IL1RAPL1: variants seen among roughly 807,000 people sequenced by gnomAD.
The protein encoded by IL1RAPL1 is interleukin-1 receptor accessory protein-like 1.
In IL1RAPL1, 3 loss-of-function variants were observed where a neutral mutation model predicts 48.4. The ratio of observed to expected loss-of-function variants is 0.06; its 90% confidence interval spans 0.03 to 0.16. The LOEUF is 0.16. Ranked by LOEUF, IL1RAPL1 falls within the 10% of genes least tolerant of loss-of-function variation. The pLI, the probability that IL1RAPL1 is intolerant of heterozygous loss-of-function variation, is 1.00. For missense variants in IL1RAPL1, 349 were observed against 530.6 expected (o/e 0.66, Z 3.36); for synonymous variants, 185 against 187.7 (o/e 0.99, Z 0.12).
chrX:29,073,998 A>G (rs1357956639), intron 2 of IL1RAPL1, among the ~76,000 whole-genome samples: 8 of 111,546 alleles, frequency 7.2e-5, no homozygotes, highest in African/African-American at 2.6e-4. Context: ...GGGGTTTTAC[A>G]GTATATTTTG....
intron 1 of IL1RAPL1, among the ~76,000 whole-genome samples, chrX:28,662,059 C>T (rs1275999404): frequency 9.0e-6 from 1 of 111,246 alleles, no homozygotes; most frequent in Non-Finnish European, 1.9e-5. Context: ...CTCTTCTTTG[C>T]TCCTTCAGGT....
intron 1 of IL1RAPL1, among the ~76,000 whole-genome samples, chrX:28,764,153 G>A (rs980403646): frequency 2.7e-5 from 3 of 111,098 alleles, no homozygotes; most frequent in Non-Finnish European, 5.7e-5. Flanking sequence ...AGAGTTAATG[G>A]GAAGAAAGAA....
chrX:29,538,424 G>A (rs752528218), intron 5 of IL1RAPL1, among the ~76,000 whole-genome samples: 1 of 87,410 alleles, frequency 1.1e-5, no homozygotes, highest in Non-Finnish European at 2.2e-5. Context: ...TGCAACCTCC[G>A]CCTCCTGGGT....
chrX:29,316,030 C>A (rs1205192398), intron 3 of IL1RAPL1, among the ~76,000 whole-genome samples: 3 of 112,133 alleles, frequency 2.7e-5, no homozygotes, highest in Non-Finnish European at 3.8e-5. Flanking sequence ...CTATAGGCAG[C>A]TTCCCAATAA....
intron 2 of IL1RAPL1, among the ~76,000 whole-genome samples, chrX:29,016,624 G>A (rs1487594859): frequency 2.7e-5 from 3 of 110,719 alleles, no homozygotes; most frequent in Non-Finnish European, 5.7e-5. Context: ...TGGTTCTTTC[G>A]GCATACCAAT....
intron 6 of IL1RAPL1, among the ~76,000 whole-genome samples, chrX:29,810,332 G>A (rs1478659153): frequency 9.1e-6 from 1 of 110,240 alleles, no homozygotes; most frequent in African/African-American, 3.3e-5. Flanking sequence ...TGGGATTACA[G>A]GTGTCCACCA....
intron 2 of IL1RAPL1, among the ~76,000 whole-genome samples, chrX:29,199,333 T>G (rs764470025): frequency 9.0e-6 from 1 of 111,633 alleles, no homozygotes; most frequent in East Asian, 2.8e-4. Context: ...ATAATCACTT[T>G]TTTTTTTGCA....
At chrX:28,622,518 C>A (rs1569140136) in intron 1 of IL1RAPL1, among the ~76,000 whole-genome samples, 1 of 111,704 alleles carries the variant, frequency 9.0e-6, no homozygotes, top group Non-Finnish European at 1.9e-5. Flanking sequence ...TCTATGTGAT[C>A]ATAAAATTCA....
chrX:29,190,842 A>G (rs1040650343), intron 2 of IL1RAPL1, among the ~76,000 whole-genome samples: 7 of 112,395 alleles, frequency 6.2e-5, no homozygotes, highest in Non-Finnish European at 1.1e-4. Context: ...TTATAAACTT[A>G]ATAAAATAAC....
chrX:29,827,035 T>C (rs1424875701), intron 6 of IL1RAPL1, among the ~76,000 whole-genome samples: 1 of 112,405 alleles, frequency 8.9e-6, no homozygotes, highest in African/African-American at 3.2e-5. Flanking sequence ...GTCTGTCTTT[T>C]TGACTACTGT....
chrX:29,188,252 CA>C (rs1407392509), intron 2 of IL1RAPL1, among the ~76,000 whole-genome samples: 1 of 111,681 alleles, frequency 9.0e-6, no homozygotes, highest in African/African-American at 3.3e-5. Flanking sequence ...ATTTGACTGG[CA>C]GGATAGGACT....
At chrX:29,051,961 A>G (rs1927102224) in intron 2 of IL1RAPL1, among the ~76,000 whole-genome samples, 1 of 111,946 alleles carries the variant, frequency 8.9e-6, no homozygotes, top group Admixed American at 9.5e-5. Context: ...ATTTCTCACT[A>G]TATGTGTAAA....
intron 6 of IL1RAPL1, among the ~76,000 whole-genome samples, chrX:29,889,656 G>C (rs1004921420): frequency 9.0e-6 from 1 of 111,229 alleles, no homozygotes; most frequent in Admixed American, 9.7e-5. Context: ...GTATATGTGC[G>C]TATTTCTATA....
At chrX:29,689,931 A>C (rs759880524) in intron 6 of IL1RAPL1, among the ~76,000 whole-genome samples, 3 of 112,034 alleles carry the variant, frequency 2.7e-5, no homozygotes, top group Non-Finnish European at 3.8e-5. Context: ...GTAGTCTCAT[A>C]ATACATTGTA....
At chrX:29,619,183 G>A (rs1043807597) in intron 5 of IL1RAPL1, among the ~76,000 whole-genome samples, 2 of 111,728 alleles carry the variant, frequency 1.8e-5, no homozygotes, top group Admixed American at 9.5e-5. Flanking sequence ...GCTTGGGTTT[G>A]TATATTCCGA....
At chrX:29,044,739 T>G (rs1926919096) in intron 2 of IL1RAPL1, among the ~76,000 whole-genome samples, 1 of 110,997 alleles carries the variant, frequency 9.0e-6, no homozygotes, top group South Asian at 3.8e-4. Flanking sequence ...TGTAATAGAT[T>G]TTTTAAAAAT....
At chrX:29,588,299 T>C (rs897993990) in intron 5 of IL1RAPL1, among the ~76,000 whole-genome samples, 1 of 112,440 alleles carries the variant, frequency 8.9e-6, no homozygotes, top group Admixed American at 9.4e-5. Context: ...TATGAATTTA[T>C]GGTGTAATGG....
intron 2 of IL1RAPL1, among the ~76,000 whole-genome samples, chrX:29,124,403 A>G (rs1928859337): frequency 8.9e-6 from 1 of 112,377 alleles, no homozygotes; most frequent in East Asian, 2.8e-4. Context: ...AGGATTCCCT[A>G]TGGAAAAGTG....
chrX:28,655,391 A>G (rs1370404702), intron 1 of IL1RAPL1, among the ~76,000 whole-genome samples: 1 of 111,431 alleles, frequency 9.0e-6, no homozygotes, highest in Non-Finnish European at 1.9e-5. Flanking sequence ...TTTTAGGTTC[A>G]AGGCATACAT....
Sources: gnomAD v4.1 joint callset for allele counts (sites outside exome capture counted in the v4.1 genomes callset) on GRCh38, gnomAD v4.1.1 for gene constraint, MANE v1.5 for transcripts, NCBI Gene and HGNC (gene_info 2026-07-23, HGNC 2026-07-21) for gene names.